Variants in KLHL22 observed in about 807,000 individuals in gnomAD.
KLHL22 encodes kelch-like protein 22.
In KLHL22, 18 loss-of-function variants were observed where a neutral mutation model predicts 60.7. That is an observed-to-expected ratio of 0.30 (90% CI 0.20 to 0.44). The LOEUF (loss-of-function observed/expected upper bound fraction) is 0.44, where lower values mean the gene tolerates loss of function less well. Ranked by LOEUF, KLHL22 falls within the 20% of genes least tolerant of loss-of-function variation. The pLI, the probability that KLHL22 is intolerant of heterozygous loss-of-function variation, is 1.00. For synonymous variants in KLHL22, 355 were observed against 354.5 expected (o/e 1.00, Z -0.01); for missense variants, 596 against 852.3 (o/e 0.70, Z 3.74).
chr22:20,467,531 G>T (rs1037145603), intron 3 of KLHL22, among the ~76,000 whole-genome samples: 2 of 152,164 alleles, frequency 1.3e-5, no homozygotes, highest in African/African-American at 2.4e-5. Flanking sequence ...GAACCCCCTT[G>T]CTACCAACTC....
intron 2 of KLHL22, among the ~76,000 whole-genome samples, chr22:20,481,749 G>A (rs2053505696): frequency 6.6e-6 from 1 of 151,958 alleles, no homozygotes; most frequent in East Asian, 1.9e-4. Flanking sequence ...GACTACAGGT[G>A]TGTGCCACTG....
rs2053216730 is a variant in KLHL22 at position 20,465,298 on chromosome 22, C to T, written c.672G>A (p.Leu224=). Residue 224 remains leucine (L), a synonymous_variant, in exon 4 of 7, where the codon CTG becomes CTA. Transcript: ENST00000328879. The surrounding 1 kb of genome is among the most constrained non-coding windows in gnomAD (Gnocchi z 4.9). ...AGATCTGGTCAGCCTGCACCTGCTC[C>T]AGGCTATAATGGTAGAGAAGGGCCC... ...YEGALLYHYS[L]EQVQADQISL... 2.5e-6 allele frequency: 4 copies of T among 1,614,144 alleles called. No homozygotes were observed. Among genetic ancestry groups the T allele is most frequent in the Non-Finnish European group, 3.4e-6 (4 of 1,180,036 alleles).
intron 5 of KLHL22, among the ~76,000 whole-genome samples, chr22:20,447,629 G>A (rs1418864065): frequency 2.8e-5 from 4 of 145,384 alleles, no homozygotes; most frequent in East Asian, 2.2e-4. Context: ...TGCAATCTCC[G>A]CCTCCCGGGT....
chr22:20,465,912 T>C lies in KLHL22; in HGVS notation c.394-336A>G, dbSNP rs932588243. Among the ~76,000 whole-genome samples the C allele has an allele frequency of 7.9e-5, 12 of 151,880 alleles. No individual in the cohort carries two copies. The highest frequency in any genetic ancestry group is 1.9e-4 in the East Asian group (1 of 5,134). The stretch of plus-strand genomic sequence containing the variant: ...CTCACTAACACCTCCCCCTCCCGGG[T>C]TGAAATGATTCTCCTGCCTCAGCCT... On this transcript the variant is annotated intron_variant, in intron 3 of 6. Transcript: ENST00000328879. This position sits in a 1 kb window ranked among gnomAD's most constrained non-coding sequence, Gnocchi z 4.9.
At chr22:20,460,605 TCC>T (rs1439211611) in intron 4 of KLHL22, among the ~76,000 whole-genome samples, 939 of 51,400 alleles carry the variant, frequency 0.018, 418 homozygotes, top group Middle Eastern at 0.043. Context: ...TGAAACTCCA[TCC>T]CCCAAAAAAA....
Position 20,495,616 on chromosome 22 carries a change from C to T in KLHL22, c.-34+144G>A, listed in dbSNP as rs1325024444. On this transcript the variant is annotated intron_variant, in intron 1 of 6. Transcript: ENST00000328879. This position sits in a 1 kb window ranked among gnomAD's most constrained non-coding sequence, Gnocchi z 4.6. ...GCCGCGGGCTCTCCTCAGGTCGCCG[C>T]CCCCGAGCCTCCGGCCCGCGCCCGC... 1.3e-5 allele frequency: 2 copies of T among 150,958 alleles called. No individual in the cohort carries two copies. The highest frequency in any genetic ancestry group is 1.3e-4 in the Admixed American group (2 of 15,098). 9.4% of individuals were successfully genotyped at this position (150,958 alleles called of 1,614,324 possible).
intron 4 of KLHL22, among the ~76,000 whole-genome samples, chr22:20,459,111 C>G (rs79873328): frequency 0.025 from 3,824 of 152,342 alleles, 166 homozygotes; most frequent in African/African-American, 0.087. Flanking sequence ...AAGCCAGTAT[C>G]TGAAGTGTCC....
chr22:20,476,434 A>C (rs1272452805), intron 2 of KLHL22, among the ~76,000 whole-genome samples: 1 of 61,422 alleles, frequency 1.6e-5, no homozygotes, highest in Non-Finnish European at 3.0e-5. Flanking sequence ...TTTTTTTTTG[A>C]GACGAAGTCT....
At chr22:20,478,485 C>T (rs1249763668) in intron 2 of KLHL22, among the ~76,000 whole-genome samples, 4 of 149,696 alleles carry the variant, frequency 2.7e-5, no homozygotes. Context: ...GATTGAGCCA[C>T]CAAGCCCGCC....
intron 5 of KLHL22, among the ~76,000 whole-genome samples, chr22:20,455,316 G>C (rs567910810): frequency 6.6e-6 from 1 of 152,336 alleles, no homozygotes; most frequent in African/African-American, 2.4e-5. Context: ...GGCTACTGCT[G>C]TCTTCAGCCC....
In KLHL22 at chr22:20,441,633, TCTCTGCTC is replaced by T. The variant is rs571066591; in HGVS notation, c.*432_*439del. 20 of 186,246 alleles carry T rather than the reference TCTCTGCTC, an allele frequency of 1.1e-4. 1 individual carries two copies. The East Asian group carries it at 3.3e-3, about 31-fold the overall frequency. The allele number at this position is 186,246 out of a possible 1,614,324, so 11.5% of individuals were successfully genotyped here. A position where few individuals can be genotyped will look rare whatever the true frequency, so the allele number is the denominator to read the frequency against. On this transcript the variant is annotated 3_prime_UTR_variant, in exon 7 of 7. Transcript: ENST00000328879. ...AGCCAGTCCCAGGCGAGCTGATGCA[TCTCTGCTC>T]CTCTGCCCCTCAGGAGCTCTCATCC...
intron 2 of KLHL22, among the ~76,000 whole-genome samples, chr22:20,485,964 C>G (rs538450802): frequency 1.5e-4 from 23 of 150,792 alleles, no homozygotes; most frequent in East Asian, 2.0e-4. Flanking sequence ...GTCAGGAGTT[C>G]GAGATCAGCC....
intron 5 of KLHL22, among the ~76,000 whole-genome samples, chr22:20,457,115 C>T (rs1343976323): frequency 6.6e-6 from 1 of 152,066 alleles, no homozygotes; most frequent in African/African-American, 2.4e-5. Context: ...TGTTCCTTCC[C>T]TGGGATCCCA....
chr22:20,457,719 C>T, intron 5 of KLHL22, 89 bp downstream of exon 5: 2 of 979,960 alleles, frequency 2.0e-6, no homozygotes, highest in Non-Finnish European at 3.1e-6. Flanking sequence ...TGACCTGGGA[C>T]AGGCCTTGAC....
intron 4 of KLHL22, among the ~76,000 whole-genome samples, chr22:20,458,445 ATTTTT>A (rs938534970): frequency 1.5e-4 from 14 of 90,452 alleles, no homozygotes; most frequent in African/African-American, 5.2e-4. Flanking sequence ...AACGCCCGCT[ATTTTT>A]TTTTTTTTTT....
At chr22:20,443,723 G>A (rs545120073) in intron 6 of KLHL22, among the ~76,000 whole-genome samples, 7 of 150,132 alleles carry the variant, frequency 4.7e-5, no homozygotes, top group South Asian at 2.1e-4. Context: ...GCGACAGAGC[G>A]AGACTCTGTC....
At chr22:20,473,692 A>G (rs941455396) in intron 2 of KLHL22, among the ~76,000 whole-genome samples, 5 of 152,180 alleles carry the variant, frequency 3.3e-5, no homozygotes, top group African/African-American at 1.2e-4. Context: ...CCTGACCAAC[A>G]TGGAGAAACC....
intron 2 of KLHL22, among the ~76,000 whole-genome samples, chr22:20,475,574 T>G (rs1202469306): frequency 1.3e-5 from 2 of 152,032 alleles, no homozygotes; most frequent in African/African-American, 4.8e-5. Flanking sequence ...ATTTTTTTTT[T>G]TTTTTAAGAC....
At chr22:20,450,500 G>C in intron 5 of KLHL22, 1 of 1,614,128 alleles carries the variant, frequency 6.2e-7, no homozygotes, top group Non-Finnish European at 8.5e-7. Context: ...TTCTTAGAAA[G>C]TCAGTTGGAC....
Sources: allele counts gnomAD v4.1 joint callset (sites outside exome capture counted in the v4.1 genomes callset), GRCh38; gene constraint gnomAD v4.1.1; non-coding constraint Gnocchi (gnomAD v3.1); transcripts MANE v1.5; gene names NCBI Gene and HGNC (gene_info 2026-07-23, HGNC 2026-07-21).